NHSL1: variants seen among roughly 807,000 people sequenced by gnomAD.
NHSL1 encodes NHS like 1.
NHSL1 carries 48 observed loss-of-function variants against 95.0 expected under a neutral mutation model. That is an observed-to-expected ratio of 0.51 (90% CI 0.40 to 0.64). NHSL1 has a LOEUF of 0.64. Ranked by LOEUF, NHSL1 falls within the 30% of genes least tolerant of loss-of-function variation. The probability of loss-of-function intolerance (pLI) is 0.00; values close to 1 mark genes in which losing one functional copy is unlikely to be tolerated. For synonymous variants in NHSL1, 783 were observed against 833.9 expected (o/e 0.94, Z 1.05); for missense variants, 1,971 against 2,077.7 (o/e 0.95, Z 1.00).
chr6:138,558,634 C>T (rs144532139), intron 1 of NHSL1, among the ~76,000 whole-genome samples: 3,390 of 147,902 alleles, frequency 0.023, 60 homozygotes, highest in Admixed American at 0.047. Context: ...ATGTTCAGGA[C>T]GGTCTTGATC....
intron 1 of NHSL1, among the ~76,000 whole-genome samples, chr6:138,586,064 CAAAT>C (rs1259385394): frequency 6.6e-6 from 1 of 150,974 alleles, no homozygotes; most frequent in East Asian, 1.9e-4. Context: ...AAAACAAAAA[CAAAT>C]AAATAAGAAG....
In NHSL1 at chr6:138,437,445, C is replaced by CA. The variant is rs1202687511; in HGVS notation, c.665-3766dup. On this transcript the variant is annotated intron_variant, in intron 5 of 7. Transcript: ENST00000343505. ...ACACACACACACACACACACACACA[C>CA]AAAAAAAAAAAAAAAAAATACAATG... Among the ~76,000 whole-genome samples the CA allele has an allele frequency of 1.7e-3, 104 of 61,806 alleles. 13 individuals carry two copies. Among genetic ancestry groups the CA allele is most frequent in the East Asian group, 0.012 (26 of 2,254 alleles). The allele number at this position is 61,806 out of a possible 152,430, so 40.5% of individuals were successfully genotyped here.
chr6:138,593,809 G>A (rs138968018), intron 1 of NHSL1, among the ~76,000 whole-genome samples: 4 of 152,270 alleles, frequency 2.6e-5, no homozygotes, highest in African/African-American at 9.6e-5. Context: ...AAACTGCTTT[G>A]CCAAGCCTTC....
chr6:138,439,207 T>A (rs974220018), intron 5 of NHSL1, among the ~76,000 whole-genome samples: 1 of 152,232 alleles, frequency 6.6e-6, no homozygotes, highest in Non-Finnish European at 1.5e-5. Context: ...TAGATTTTTT[T>A]AAAAATCCAA....
In NHSL1 at chr6:138,433,603, T is replaced by C. The variant is rs2128203751; in HGVS notation, c.742A>G (p.Asn248Asp). ...CGCTGCCCAGCAGACCGACAGCTAT[T>C]GAACCTTCCTAGTGTAGAGTAGTGA... The part of the protein sequence containing the change: ...PDHYSTLGRF[N>D]SCRSAGQRSE... Residue 248 changes from asparagine (N) to aspartate (D), a missense_variant, in exon 6 of 8, where the codon AAT becomes GAT. Around this residue, in one of 3 missense-constraint regions of NHSL1, gnomAD observed 1,602 missense variants for 1,654.5 expected, o/e 0.97. Transcript: ENST00000343505. 1 of 1,552,132 alleles carries C rather than the reference T, an allele frequency of 6.4e-7. No homozygotes were observed.
chr6:138,444,027 A>AT (rs1014080530), intron 4 of NHSL1, among the ~76,000 whole-genome samples: 1 of 152,146 alleles, frequency 6.6e-6, no homozygotes, highest in African/African-American at 2.4e-5. Context: ...TGGATTATAC[A>AT]TTTTTTGAGG....
rs56326954 is a variant in NHSL1 at position 138,423,815 on chromosome 6, C to CAA, written c.*264_*265dup. On this transcript the variant is annotated 3_prime_UTR_variant, in exon 8 of 8. Coordinates refer to ENST00000343505, the MANE Select transcript of NHSL1 (RefSeq NM_001144060.2). The stretch of plus-strand genomic sequence containing the variant: ...GCACACATACACACCCAGCATTTAG[C>CAA]AAAAAAAAAAAAAAAAAAAAAAAAT... 1,043 of 138,752 alleles carry CAA rather than the reference C, an allele frequency of 7.5e-3. 14 individuals are homozygous for CAA. The highest frequency in any genetic ancestry group is 9.1e-3 in the Non-Finnish European group (687 of 75,578). 8.6% of individuals were successfully genotyped at this position (138,752 alleles called of 1,614,324 possible).
At chr6:138,673,317 G>GAA (rs202133946) in intron 1 of NHSL1, among the ~76,000 whole-genome samples, 3 of 113,234 alleles carry the variant, frequency 2.6e-5, no homozygotes, top group Non-Finnish European at 3.8e-5. Context: ...TATTTAACCA[G>GAA]AAAAAAAAAA....
Position 138,692,399 on chromosome 6 carries a change from C to A in NHSL1, c.96+77G>T, listed in dbSNP as rs1293287038. 1 of 274,968 alleles carries A rather than the reference C, an allele frequency of 3.6e-6. No individual in the cohort carries two copies. The highest frequency in any genetic ancestry group is 7.1e-6 in the Non-Finnish European group (1 of 140,732). 17.0% of individuals were successfully genotyped at this position (274,968 alleles called of 1,614,324 possible). On this transcript the variant is annotated intron_variant, in intron 1 of 3. Transcript: ENST00000491526. This position sits in a 1 kb window ranked among gnomAD's most constrained non-coding sequence, Gnocchi z 4.0. ...CGCGGCCCCCGCGCCGACCCAGGGC[C>A]GCCAGGGGGCGGGCGGGAGCAGCTC...
chr6:138,424,129 G>A lies in NHSL1; in HGVS notation c.4773C>T (p.Gly1591=), dbSNP rs1775086636. 9 of 1,426,608 alleles carry A rather than the reference G, an allele frequency of 6.3e-6. No homozygotes were observed. Among genetic ancestry groups the A allele is most frequent in the Middle Eastern group, 1.8e-4 (1 of 5,434 alleles). The allele number at this position is 1,426,608 out of a possible 1,614,324, so 88.4% of individuals were successfully genotyped here. ...CGCCACACTGTGGGGAGGGCTCTCT[G>A]CCCTCTGCACTGGCTGTCCCATCCA... The part of the protein sequence containing the change: ...GPVDGTASAE[G]REPSPQCGGS... Residue 1591 remains glycine (G), a synonymous_variant, in exon 8 of 8, where the codon GGC becomes GGT. Coordinates refer to ENST00000343505, the MANE Select transcript of NHSL1 (RefSeq NM_001144060.2). This position sits in a 1 kb window ranked among gnomAD's most constrained non-coding sequence, Gnocchi z 5.9.
In NHSL1 at chr6:138,424,036, T is replaced by G; in HGVS notation, c.*45A>C. 3 of 1,344,504 alleles carry G rather than the reference T, an allele frequency of 2.2e-6. No individual in the cohort carries two copies. The highest frequency in any genetic ancestry group is 2.9e-6 in the Non-Finnish European group (3 of 1,051,204). 83.3% of individuals were successfully genotyped at this position (1,344,504 alleles called of 1,614,324 possible). A position where few individuals can be genotyped will look rare whatever the true frequency, so the allele number is the denominator to read the frequency against. Reference sequence around the variant, plus strand: ...TAGCAGGCTTCCTAGAGTGCTGCATTGCTCGTCTCCCCCCGTGTCACCTGG... The same window carrying G: ...TAGCAGGCTTCCTAGAGTGCTGCATGGCTCGTCTCCCCCCGTGTCACCTGG... On this transcript the variant is annotated 3_prime_UTR_variant, in exon 8 of 8. Coordinates refer to ENST00000343505, the MANE Select transcript of NHSL1 (RefSeq NM_001144060.2). The surrounding 1 kb of genome is among the most constrained non-coding windows in gnomAD (Gnocchi z 5.9).
At chr6:138,688,162 G>A (rs918361856) in intron 1 of NHSL1, among the ~76,000 whole-genome samples, 1 of 152,106 alleles carries the variant, frequency 6.6e-6, no homozygotes, top group African/African-American at 2.4e-5. Flanking sequence ...ATGTTGGCCA[G>A]GCTGGTCTCG....
chr6:138,453,713 A>AT (rs996902746), intron 3 of NHSL1, among the ~76,000 whole-genome samples: 1 of 151,610 alleles, frequency 6.6e-6, no homozygotes, highest in Non-Finnish European at 1.5e-5. Context: ...TGCCCAGCTA[A>AT]TTTTTGAAAA....
chr6:138,661,136 T>C (rs529132221), intron 1 of NHSL1, among the ~76,000 whole-genome samples: 2 of 152,332 alleles, frequency 1.3e-5, no homozygotes, highest in African/African-American at 2.4e-5. Flanking sequence ...TGTATGTGTA[T>C]GGTGGAAACA....
At chr6:138,442,987 T>C (rs1035181392) in intron 4 of NHSL1, among the ~76,000 whole-genome samples, 3 of 152,120 alleles carry the variant, frequency 2.0e-5, no homozygotes, top group Non-Finnish European at 4.4e-5. Context: ...CCTTTTTGAA[T>C]GGTTATTCTC....
chr6:138,662,823 A>AG (rs1297203341), intron 1 of NHSL1, among the ~76,000 whole-genome samples: 1 of 152,184 alleles, frequency 6.6e-6, no homozygotes, highest in Non-Finnish European at 1.5e-5. Flanking sequence ...GAAAAAAAAA[A>AG]TCAGTCATGT....
rs1776927094 is a variant in NHSL1 at position 138,447,295 on chromosome 6, A to G, written c.340-102T>C. ...TAAAAAAATTGGACTGGTTTAAAAG[A>G]AGCCAAAATAATTGATCGCTTTTAG... On this transcript the variant is annotated intron_variant, in intron 3 of 7. Coordinates refer to ENST00000343505, the MANE Select transcript of NHSL1 (RefSeq NM_001144060.2). 3.2e-6 allele frequency: 3 copies of G among 936,842 alleles called. No individual in the cohort carries two copies. In the South Asian group the frequency reaches 5.5e-5, roughly 17 times the overall value. 58.0% of individuals were successfully genotyped at this position (936,842 alleles called of 1,614,324 possible). A position where few individuals can be genotyped will look rare whatever the true frequency, so the allele number is the denominator to read the frequency against.
chr6:138,559,875 C>T (rs527260564), intron 1 of NHSL1, among the ~76,000 whole-genome samples: 5 of 152,254 alleles, frequency 3.3e-5, no homozygotes, highest in East Asian at 1.9e-4. Flanking sequence ...ATTCCATGTA[C>T]GCATGCCATG....
chr6:138,541,140 G>A (rs527519042), intron 1 of NHSL1, among the ~76,000 whole-genome samples: 8 of 152,294 alleles, frequency 5.3e-5, no homozygotes, highest in African/African-American at 1.9e-4. Context: ...GGCTGAGGCG[G>A]CGAATTACTT....
Sources: gnomAD v4.1 joint callset for allele counts (sites outside exome capture counted in the v4.1 genomes callset) on GRCh38, gnomAD v4.1.1 for gene constraint, gnomAD v4.1.1 regional missense constraint, Gnocchi (gnomAD v3.1) non-coding constraint, MANE v1.5 for transcripts, NCBI Gene and HGNC (gene_info 2026-07-23, HGNC 2026-07-21) for gene names.